The following L3MBTL4 variants were observed in gnomAD, a reference collection of about 807,000 sequenced individuals.
L3MBTL4 encodes the protein lethal(3)malignant brain tumor-like protein 4.
Under a neutral mutation model 84.5 loss-of-function variants are expected in L3MBTL4, and 70 were observed. The ratio of observed to expected loss-of-function variants is 0.83; its 90% confidence interval spans 0.68 to 1.01. The LOEUF is 1.01. L3MBTL4 is among the 50% of genes least tolerant of loss of function. The pLI, the probability that L3MBTL4 is intolerant of heterozygous loss-of-function variation, is 0.00. For missense variants in L3MBTL4, 715 were observed against 754.8 expected, an observed-to-expected ratio of 0.95 and a Z score of 0.62; for synonymous variants, 274 against 259.8, an observed-to-expected ratio of 1.05 and a Z score of -0.52.
At position 6,168,100 on chromosome 18, in the gene L3MBTL4, A is replaced by C. The variant is rs1054252965; in HGVS notation, c.1096+3728T>G. ...AATTGCTTCAAAGAGAATAAAATAA[A>C]TAGGAATCCAACTTACAAGGGATGT... On this transcript the variant is annotated intron_variant, in intron 13 of 18. Transcript: ENST00000317931. Among the ~76,000 whole-genome samples, 66 of 151,896 alleles carry C rather than the reference A, an allele frequency of 4.3e-4. 2 individuals are homozygous for C. The highest frequency in any genetic ancestry group is 1.5e-3 in the African/African-American group (62 of 41,380).
intron 5 of L3MBTL4, chr18:6,259,186 T>G (rs1027399038): frequency 2.0e-5 from 3 of 152,054 alleles, no homozygotes; most frequent in Non-Finnish European, 4.4e-5. Context: ...CACAGAAGAA[T>G]AATTTGGGAG....
At chr18:6,115,133 A>G (rs1008038300) in intron 14 of L3MBTL4, among the ~76,000 whole-genome samples, 2 of 152,216 alleles carry the variant, frequency 1.3e-5, no homozygotes, top group Non-Finnish European at 2.9e-5. Flanking sequence ...GCTTGAGTGC[A>G]GCTACAGTGT....
intron 16 of L3MBTL4, among the ~76,000 whole-genome samples, chr18:5,970,317 C>G (rs1029566263): frequency 1.3e-5 from 2 of 152,256 alleles, no homozygotes; most frequent in African/African-American, 2.4e-5. Context: ...TTTGTTTGCA[C>G]AAGATTGGCT....
intron 16 of L3MBTL4, among the ~76,000 whole-genome samples, chr18:5,982,535 A>T (rs1440886664): frequency 6.6e-6 from 1 of 152,222 alleles, no homozygotes; most frequent in Admixed American, 6.5e-5. Context: ...AGACAGAGCC[A>T]CTCAGAAGCC....
intron 1 of L3MBTL4, among the ~76,000 whole-genome samples, chr18:6,361,557 G>T (rs2053696511): frequency 6.6e-6 from 1 of 152,050 alleles, no homozygotes; most frequent in Admixed American, 6.5e-5. Flanking sequence ...TGAGAGGCTA[G>T]ATTGTAACAC....
intron 1 of L3MBTL4, among the ~76,000 whole-genome samples, chr18:6,385,715 C>T (rs1450924189): frequency 6.6e-6 from 1 of 152,158 alleles, no homozygotes; most frequent in Non-Finnish European, 1.5e-5. Flanking sequence ...CTCTTGAAGG[C>T]AAGAATGATT....
At chr18:6,187,804 A>G (rs1192015799) in intron 12 of L3MBTL4, among the ~76,000 whole-genome samples, 1 of 151,892 alleles carries the variant, frequency 6.6e-6, no homozygotes, top group Non-Finnish European at 1.5e-5. Context: ...CTATAATTCA[A>G]TGTCAGAAGT....
At chr18:6,270,758 A>G (rs543335711) in intron 4 of L3MBTL4, among the ~76,000 whole-genome samples, 1 of 152,324 alleles carries the variant, frequency 6.6e-6, no homozygotes, top group African/African-American at 2.4e-5. Context: ...AGTAGGCTGC[A>G]CTGCAGGGGC....
At chr18:6,321,268 G>T (rs546531499) in intron 1 of L3MBTL4, among the ~76,000 whole-genome samples, 9 of 152,092 alleles carry the variant, frequency 5.9e-5, no homozygotes, top group Admixed American at 4.6e-4. Context: ...ACAGCAAAAG[G>T]CATAATCATC....
chr18:6,213,383 T>C (rs899077306), intron 11 of L3MBTL4, 124 bp from the exon 12 acceptor site: 6 of 578,612 alleles, frequency 1.0e-5, no homozygotes, highest in East Asian at 3.1e-5. Context: ...AACTGGAATT[T>C]AGTGTTTTTT....
chr18:6,024,812 T>C (rs531710767), intron 16 of L3MBTL4, among the ~76,000 whole-genome samples: 1 of 152,352 alleles, frequency 6.6e-6, no homozygotes, highest in Admixed American at 6.5e-5. Flanking sequence ...AAGACCCTCA[T>C]ATTCAGTTTG....
At chr18:6,197,935 A>G (rs80344463) in intron 12 of L3MBTL4, among the ~76,000 whole-genome samples, 7,351 of 152,292 alleles carry the variant, frequency 0.048, 223 homozygotes, top group Middle Eastern at 0.099. Context: ...GGTGCAGGTC[A>G]GACAGAACTG....
intron 16 of L3MBTL4, among the ~76,000 whole-genome samples, chr18:6,002,715 A>G (rs1260052867): frequency 6.6e-6 from 1 of 152,030 alleles, no homozygotes; most frequent in Non-Finnish European, 1.5e-5. Context: ...TGAAAAAGGA[A>G]TTTCAAATTG....
chr18:6,361,437 A>G lies in L3MBTL4; in HGVS notation c.-90-49381T>C, dbSNP rs538941363. On this transcript the variant is annotated intron_variant, in intron 1 of 18. Coordinates refer to ENST00000317931, the MANE Select transcript of L3MBTL4 (RefSeq NM_001330559.2). ...CCTGTACCCACATGATCATAGCCCC[A>G]GCAACAGCCCACAGATCCAGGGGTG... 6.6e-5 allele frequency among the ~76,000 whole-genome samples: 10 copies of G among 152,294 alleles called. No homozygotes were observed. In the East Asian group the frequency reaches 1.7e-3, roughly 27 times the overall value.
intron 16 of L3MBTL4, among the ~76,000 whole-genome samples, chr18:6,057,528 T>C (rs1344750998): frequency 6.6e-6 from 1 of 152,206 alleles, no homozygotes; most frequent in Non-Finnish European, 1.5e-5. Context: ...CTACTTTCTT[T>C]AAATACTTCT....
intron 12 of L3MBTL4, among the ~76,000 whole-genome samples, chr18:6,197,341 C>T (rs1389808895): frequency 4.6e-5 from 7 of 152,186 alleles, no homozygotes; most frequent in Admixed American, 2.0e-4. Context: ...TCAGCTCCCA[C>T]GTATAAGTGA....
At chr18:6,019,633 A>C (rs1380278942) in intron 16 of L3MBTL4, among the ~76,000 whole-genome samples, 3 of 152,206 alleles carry the variant, frequency 2.0e-5, no homozygotes, top group Admixed American at 2.0e-4. Context: ...AATCCTCCCT[A>C]CAGTTTTGTA....
At chr18:6,339,610 T>A (rs1244274579) in intron 1 of L3MBTL4, among the ~76,000 whole-genome samples, 1 of 151,918 alleles carries the variant, frequency 6.6e-6, no homozygotes, top group East Asian at 1.9e-4. Flanking sequence ...AGAGAAAATA[T>A]CAATGGAATG....
At chr18:6,364,525 C>A (rs1438360084) in intron 1 of L3MBTL4, among the ~76,000 whole-genome samples, 1 of 152,072 alleles carries the variant, frequency 6.6e-6, no homozygotes, top group South Asian at 2.1e-4. Context: ...ACAATTCAAA[C>A]CTAAAAGCTT....
Sources: gnomAD v4.1 joint callset for allele counts (sites outside exome capture counted in the v4.1 genomes callset) on GRCh38, gnomAD v4.1.1 for gene constraint, MANE v1.5 for transcripts, NCBI Gene and HGNC (gene_info 2026-07-23, HGNC 2026-07-21) for gene names.